The following HYCC1 variants were observed in gnomAD, a reference collection of about 807,000 sequenced individuals.
HYCC1 encodes the protein hyccin PI4KA lipid kinase complex subunit 1.
chr7:22,925,049 G>A, the HYCC1 span, among the ~76,000 whole-genome samples: 3 of 152,152 alleles, frequency 2.0e-5, no homozygotes, highest in Admixed American at 6.5e-5. Flanking sequence ...TGCAGCCACC[G>A]CTGCTGATAC....
At chr7:22,951,426 A>G in the HYCC1 span, among the ~76,000 whole-genome samples, 1 of 152,036 alleles carries the variant, frequency 6.6e-6, no homozygotes, top group East Asian at 1.9e-4. Context: ...AATAAGCTGA[A>G]GCTTTAAAAA....
chr7:23,012,968 G>A, the HYCC1 span, among the ~76,000 whole-genome samples: 1 of 152,158 alleles, frequency 6.6e-6, no homozygotes, highest in African/African-American at 2.4e-5. Context: ...AGTAGCTGCC[G>A]GTGGAACAAA....
chr7:22,929,993 C>T, the HYCC1 span, among the ~76,000 whole-genome samples: 33 of 152,048 alleles, frequency 2.2e-4, no homozygotes, highest in East Asian at 5.0e-3. Flanking sequence ...ACATATACAC[C>T]ATGGAATACT....
the HYCC1 span, chr7:22,983,838 C>A: frequency 2.8e-6 from 2 of 723,152 alleles, no homozygotes; most frequent in African/African-American, 1.8e-5. Flanking sequence ...CAGTATTGTT[C>A]TTTAAACATA....
the HYCC1 span, among the ~76,000 whole-genome samples, chr7:22,965,528 C>T: frequency 6.6e-3 from 936 of 141,244 alleles, 14 homozygotes; most frequent in African/African-American, 0.024. Flanking sequence ...GACAAACCTG[C>T]ATGTTCGGTA....
At chr7:22,965,263 T>C in the HYCC1 span, among the ~76,000 whole-genome samples, 1 of 151,986 alleles carries the variant, frequency 6.6e-6, no homozygotes, top group African/African-American at 2.4e-5. Flanking sequence ...AAAAATTCTA[T>C]AAATTAGACT....
chr7:22,978,247 GT>G, the HYCC1 span: 1 of 1,609,288 alleles, frequency 6.2e-7, no homozygotes, highest in Non-Finnish European at 8.5e-7. Context: ...AAAAGATTTT[GT>G]TAACTCCATT....
chr7:22,963,650 CA>C, the HYCC1 span, among the ~76,000 whole-genome samples: 3 of 152,318 alleles, frequency 2.0e-5, no homozygotes, highest in African/African-American at 7.2e-5. Flanking sequence ...GTGGGCCGTA[CA>C]GTCTCACCTA....
the HYCC1 span, chr7:22,946,185 A>G: frequency 6.3e-7 from 1 of 1,582,370 alleles, no homozygotes; most frequent in South Asian, 1.1e-5. Context: ...AATGACAAAG[A>G]TTAATTAACA....
At chr7:22,945,715 C>A in the HYCC1 span, 2 of 1,613,594 alleles carry the variant, frequency 1.2e-6, no homozygotes, top group Non-Finnish European at 1.7e-6. Context: ...AAGCGGAAAA[C>A]CTATTGGCAT....
the HYCC1 span, chr7:22,946,184 GA>G: frequency 6.3e-7 from 1 of 1,594,556 alleles, no homozygotes; most frequent in Middle Eastern, 1.7e-4. Flanking sequence ...AAATGACAAA[GA>G]TTAATTAACA....
the HYCC1 span, among the ~76,000 whole-genome samples, chr7:22,962,578 G>GA: frequency 0.4 from 55,229 of 137,026 alleles, 10,549 homozygotes; most frequent in East Asian, 0.5. Context: ...CTGAGGGTAA[G>GA]AAAAAAAAAA....
the HYCC1 span, among the ~76,000 whole-genome samples, chr7:22,967,521 A>G: frequency 1.2e-3 from 179 of 152,332 alleles, no homozygotes; most frequent in African/African-American, 4.1e-3. Context: ...AGGTTTTACC[A>G]CGTAGACACT....
chr7:23,001,005 T>G, the HYCC1 span, among the ~76,000 whole-genome samples: 1 of 152,118 alleles, frequency 6.6e-6, no homozygotes, highest in Non-Finnish European at 1.5e-5. Context: ...GCATTTGGAA[T>G]GAAATATTTT....
At chr7:22,935,151 G>A in the HYCC1 span, 3 of 152,238 alleles carry the variant, frequency 2.0e-5, no homozygotes, top group African/African-American at 7.2e-5. Context: ...GCTTCAAACA[G>A]AGGTTTTAAG....
chr7:23,011,736 C>G, the HYCC1 span, among the ~76,000 whole-genome samples: 3 of 152,194 alleles, frequency 2.0e-5, no homozygotes, highest in Non-Finnish European at 4.4e-5. Flanking sequence ...TCAATTGACA[C>G]TGACTCGTCA....
the HYCC1 span, among the ~76,000 whole-genome samples, chr7:22,987,859 C>G: frequency 6.6e-6 from 1 of 152,234 alleles, no homozygotes; most frequent in South Asian, 2.1e-4. Context: ...ATCATGATGA[C>G]TTGGCCTTAT....
the HYCC1 span, among the ~76,000 whole-genome samples, chr7:22,958,971 A>G: frequency 6.6e-6 from 1 of 152,168 alleles, no homozygotes; most frequent in African/African-American, 2.4e-5. Context: ...CTGTTCTCAC[A>G]CATTAATGCC....
the HYCC1 span, chr7:22,984,195 G>A: frequency 6.6e-6 from 4 of 610,072 alleles, no homozygotes; most frequent in Non-Finnish European, 1.2e-5. Flanking sequence ...TTCTTTTTGG[G>A]GTGATGGAAA....
Sources: allele counts gnomAD v4.1 joint callset (sites outside exome capture counted in the v4.1 genomes callset), GRCh38; gene constraint gnomAD v4.1.1; transcripts MANE v1.5; gene names NCBI Gene and HGNC (gene_info 2026-07-23, HGNC 2026-07-21).